Variants in RUFY1 observed in about 807,000 individuals in gnomAD.
The protein encoded by RUFY1 is RUN and FYVE domain containing 1, also known as RUN and FYVE domain-containing protein 1.
Under a neutral mutation model 94.6 loss-of-function variants are expected in RUFY1, and 54 were observed. The observed-to-expected ratio is 0.57, with a 90% CI of 0.46 to 0.72. RUFY1 has a LOEUF of 0.72. RUFY1 is among the 30% of genes least tolerant of loss of function. RUFY1 has a pLI of 0.00. For synonymous variants in RUFY1, 396 were observed against 347.3 expected, an observed-to-expected ratio of 1.14 and a Z score of -1.56; for missense variants, 883 against 883.9, an observed-to-expected ratio of 1.00 and a Z score of 0.01.
chr5:179,554,933 A>C (rs1329976874), intron 1 of RUFY1, among the ~76,000 whole-genome samples: 1 of 151,746 alleles, frequency 6.6e-6, no homozygotes, highest in East Asian at 1.9e-4. Flanking sequence ...ACGCCACTGC[A>C]CTCCAGCCTG....
chr5:179,591,335 C>T (rs180863765), intron 9 of RUFY1, among the ~76,000 whole-genome samples: 1 of 151,972 alleles, frequency 6.6e-6, no homozygotes, highest in Non-Finnish European at 1.5e-5. Context: ...CAGGCGCCCA[C>T]CACCACGCCC....
intron 14 of RUFY1, among the ~76,000 whole-genome samples, chr5:179,599,101 G>C (rs547529207): frequency 1.3e-5 from 2 of 152,242 alleles, no homozygotes; most frequent in African/African-American, 4.8e-5. Flanking sequence ...GGGAGCGACC[G>C]GTGAGCAGAG....
In RUFY1 at chr5:179,607,695, G is replaced by A. The variant is rs780355643; in HGVS notation, c.1983+36G>A. 5.7e-6 allele frequency: 9 copies of A among 1,566,738 alleles called. No individual in the cohort carries two copies. The East Asian group carries it at 1.6e-4, about 27-fold the overall frequency. On this transcript the variant is annotated intron_variant, in intron 17 of 17. Transcript: ENST00000319449. The stretch of plus-strand genomic sequence containing the variant: ...GCTCCACCCACCCTCCCAGTGCCCT[G>A]AGTCGTTGCCCGCTGGATTCCCCTT...
rs1222038013 is a variant in RUFY1, at chr5:179,593,782, G to A, written c.1413+137G>A. ...CAGACCTGCTCCTAGGACCTATTAT[G>A]ATTTTGATCCTCATGGCAGTCCCTG... On this transcript the variant is annotated intron_variant, in intron 11 of 17. Coordinates refer to ENST00000319449, the MANE Select transcript of RUFY1 (RefSeq NM_025158.5). The A allele has an allele frequency of 3.8e-5, 51 of 1,351,742 alleles. 1 individual carries two copies. Among genetic ancestry groups the A allele is most frequent in the Non-Finnish European group, 4.9e-5 (50 of 1,014,306 alleles). 83.7% of individuals were successfully genotyped at this position (1,351,742 alleles called of 1,614,324 possible). A position where few individuals can be genotyped will look rare whatever the true frequency, so the allele number is the denominator to read the frequency against.
At position 179,593,601 on chromosome 5, in the gene RUFY1, GAAGAAGTCAA is replaced by G; in HGVS notation, c.1371_1380del (p.Glu458ArgfsTer38). On this transcript the variant is annotated frameshift_variant, in exon 11 of 18. Transcript: ENST00000319449. LOFTEE classifies it high-confidence loss of function. Reference sequence around the variant, plus strand: ...ACTAGTTGCCCTCCGCCAGCAGCTGGAAGAAGTCAAAGCGATTAATTTACAGATGTTTCAC... The same window carrying G: ...ACTAGTTGCCCTCCGCCAGCAGCTGGAGCGATTAATTTACAGATGTTTCAC... 1 of 1,614,156 alleles carries G rather than the reference GAAGAAGTCAA, an allele frequency of 6.2e-7. No individual in the cohort carries two copies. The highest frequency in any genetic ancestry group is 8.5e-7 in the Non-Finnish European group (1 of 1,180,028).
At chr5:179,551,823 A>G (rs113659866) in intron 1 of RUFY1, among the ~76,000 whole-genome samples, 5,048 of 127,410 alleles carry the variant, frequency 0.04, 279 homozygotes, top group African/African-American at 0.14. Context: ...GGATTCCTCA[A>G]TTTCTAACTG....
chr5:179,586,722 C>T (rs1041917947), intron 8 of RUFY1, among the ~76,000 whole-genome samples: 4 of 152,136 alleles, frequency 2.6e-5, no homozygotes, highest in African/African-American at 4.8e-5. Flanking sequence ...AAATTCAAGA[C>T]GGTGTCACAG....
At position 179,609,635 on chromosome 5, in the gene RUFY1, C is replaced by A; in HGVS notation, c.*116C>A. The A allele has an allele frequency of 1.8e-6, 2 of 1,118,532 alleles. No individual in the cohort carries two copies. Among genetic ancestry groups the A allele is most frequent in the Non-Finnish European group, 2.4e-6 (2 of 817,202 alleles). The allele number at this position is 1,118,532 out of a possible 1,614,324, so 69.3% of individuals were successfully genotyped here. On this transcript the variant is annotated 3_prime_UTR_variant, in exon 18 of 18. Coordinates refer to ENST00000319449, the MANE Select transcript of RUFY1 (RefSeq NM_025158.5). ...CAAAGGAAAGAATCAAATTTCTTGC[C>A]CGGTCACTGGCACTCCAGAAGACAG...
chr5:179,591,999 G>T (rs925389502), intron 10 of RUFY1, among the ~76,000 whole-genome samples: 1 of 152,080 alleles, frequency 6.6e-6, no homozygotes, highest in Non-Finnish European at 1.5e-5. Context: ...AGGCTGGAGT[G>T]CGATGGCGCG....
At chr5:179,596,354 G>C (rs1391675399) in intron 12 of RUFY1, 1 of 681,902 alleles carries the variant, frequency 1.5e-6, no homozygotes, top group East Asian at 2.5e-5. Flanking sequence ...GGACAGATGA[G>C]TGGTTGCCAG....
chr5:179,559,631 C>CA (rs1401027015), intron 1 of RUFY1: 4 of 988,812 alleles, frequency 4.0e-6, no homozygotes, highest in South Asian at 8.7e-5. Flanking sequence ...GGACGCTTTC[C>CA]CAGCACGCCC....
intron 2 of RUFY1, among the ~76,000 whole-genome samples, chr5:179,561,338 A>AGGG (rs1762439874): frequency 6.6e-6 from 1 of 151,998 alleles, no homozygotes; most frequent in Non-Finnish European, 1.5e-5. Flanking sequence ...GAGGGAGAGG[A>AGGG]GGGGAGGACA....
chr5:179,590,275 A>AC (rs1326920505), intron 9 of RUFY1, among the ~76,000 whole-genome samples: 3 of 150,026 alleles, frequency 2.0e-5, no homozygotes, highest in African/African-American at 7.4e-5. Flanking sequence ...AATGGTGTGA[A>AC]CCCGGGAGAT....
chr5:179,563,566 A>T (rs756479814), intron 3 of RUFY1, among the ~76,000 whole-genome samples: 13 of 152,334 alleles, frequency 8.5e-5, no homozygotes, highest in Non-Finnish European at 4.4e-5. Context: ...AGCCCTGTGC[A>T]TTCTTCTCAA....
rs574117828 is a variant in RUFY1, at chr5:179,605,814, G to T, written c.1857-62G>T. On this transcript the variant is annotated intron_variant, in intron 15 of 17. Transcript: ENST00000319449. Reference sequence around the variant, plus strand: ...AAAGCTAGTCCTGAGAGCCAGCTGTGTTAGGGATTCAGAGCCTCACTCTCT... The same window carrying T: ...AAAGCTAGTCCTGAGAGCCAGCTGTTTTAGGGATTCAGAGCCTCACTCTCT... 1,448 of 1,087,060 alleles carry T rather than the reference G, an allele frequency of 1.3e-3. 5 individuals are homozygous for T. Among genetic ancestry groups the T allele is most frequent in the Middle Eastern group, 4.7e-3 (24 of 5,094 alleles). 67.3% of individuals were successfully genotyped at this position (1,087,060 alleles called of 1,614,324 possible).
intron 1 of RUFY1, among the ~76,000 whole-genome samples, chr5:179,558,733 C>A (rs769859141): frequency 2.6e-4 from 39 of 152,202 alleles, no homozygotes; most frequent in South Asian, 1.0e-3. Context: ...AATTTTTAGT[C>A]CCAGGATGTC....
intron 5 of RUFY1, among the ~76,000 whole-genome samples, chr5:179,570,281 A>G (rs1409216007): frequency 1.3e-5 from 2 of 152,216 alleles, no homozygotes; most frequent in Non-Finnish European, 2.9e-5. Context: ...GAGAAAGCTC[A>G]ATCTAGCAGC....
At chr5:179,605,829 C>G (rs766707116) in intron 15 of RUFY1, 47 bp from the exon 16 acceptor site, 2,601 of 1,003,562 alleles carry the variant, frequency 2.6e-3, no homozygotes, top group Non-Finnish European at 3.7e-3. Context: ...GGATTCAGAG[C>G]CTCACTCTCT....
chr5:179,580,237 G>A (rs979217162), intron 6 of RUFY1, among the ~76,000 whole-genome samples: 994 of 47,180 alleles, frequency 0.021, 12 homozygotes, highest in East Asian at 0.15. Flanking sequence ...GTGTGTGTGT[G>A]TGTGTATATT....
Sources: allele counts gnomAD v4.1 joint callset (sites outside exome capture counted in the v4.1 genomes callset), GRCh38; gene constraint gnomAD v4.1.1; transcripts MANE v1.5; gene names NCBI Gene and HGNC (gene_info 2026-07-23, HGNC 2026-07-21).